The following PELI1 variants were observed in gnomAD, a reference collection of about 807,000 sequenced individuals.
The protein encoded by PELI1 is pellino E3 ubiquitin protein ligase 1, also known as E3 ubiquitin-protein ligase pellino homolog 1.
A neutral mutation model predicts 41.3 loss-of-function variants in PELI1; 15 were observed. The observed-to-expected ratio is 0.36, with a 90% confidence interval of 0.24 to 0.56. PELI1 has a LOEUF of 0.56. Among genes scored for constraint, PELI1 ranks in the 20% least tolerant of loss-of-function variants. The pLI, the probability that PELI1 is intolerant of heterozygous loss-of-function variation, is 0.82. For synonymous variants in PELI1, 178 were observed against 180.1 expected, an observed-to-expected ratio of 0.99 and a Z score of 0.09; for missense variants, 403 against 525.5, an observed-to-expected ratio of 0.77 and a Z score of 2.28.
intron 1 of PELI1, among the ~76,000 whole-genome samples, chr2:64,138,117 T>C (rs1252431354): frequency 1.3e-5 from 2 of 152,126 alleles, no homozygotes; most frequent in Non-Finnish European, 2.9e-5. Context: ...TGTTTTGTTT[T>C]TTTTAGACAG....
intron 3 of PELI1, among the ~76,000 whole-genome samples, chr2:64,103,706 A>C (rs1680523438): frequency 6.6e-6 from 1 of 152,354 alleles, no homozygotes; most frequent in South Asian, 2.1e-4. Flanking sequence ...TGAAAAGCCA[A>C]TTACCTTCAG....
Position 64,096,123 on chromosome 2 carries a change from A to C in PELI1, c.690+2T>G. On this transcript the variant is annotated splice_donor_variant, in intron 6 of 6. Coordinates refer to ENST00000358912, the MANE Select transcript of PELI1 (RefSeq NM_020651.4). LOFTEE classifies it high-confidence loss of function. ...ATTAAGAAAATACCATTCAGTATTT[A>C]CCATTTTTCCTCTCTGCTGAGCCGA... is the stretch of plus-strand genomic sequence containing the variant. 6.2e-7 allele frequency: 1 copy of C among 1,604,290 alleles called. No individual in the cohort carries two copies. The highest frequency in any genetic ancestry group is 8.5e-7 in the Non-Finnish European group (1 of 1,171,888).
chr2:64,130,014 G>A (rs1681505833), intron 1 of PELI1, among the ~76,000 whole-genome samples: 1 of 152,134 alleles, frequency 6.6e-6, no homozygotes, highest in African/African-American at 2.4e-5. Context: ...TGTGGTGGCT[G>A]CAGTAGAAAG....
At chr2:64,122,637 C>G (rs1226603627) in intron 1 of PELI1, among the ~76,000 whole-genome samples, 2 of 152,180 alleles carry the variant, frequency 1.3e-5, no homozygotes, top group Non-Finnish European at 2.9e-5. Context: ...ACTGGTGACT[C>G]TTAGGTCACG....
rs78781740 is a variant in PELI1 at position 64,115,873 on chromosome 2, T to A, written c.-69-7494A>T. On this transcript the variant is annotated intron_variant, in intron 1 of 6. Coordinates refer to ENST00000358912, the MANE Select transcript of PELI1 (RefSeq NM_020651.4). ...TACTTCAGCATAGATTAGTAACAAC[T>A]ATTCAATTATGAGTAGTGCTGAGAT... is the stretch of plus-strand genomic sequence containing the variant. Among the ~76,000 whole-genome samples the A allele has an allele frequency of 1.0e-3, 159 of 152,350 alleles. 1 individual carries two copies. The highest frequency in any genetic ancestry group is 3.7e-3 in the African/African-American group (153 of 41,588).
At chr2:64,119,221 C>T (rs1681122350) in intron 1 of PELI1, among the ~76,000 whole-genome samples, 1 of 152,060 alleles carries the variant, frequency 6.6e-6, no homozygotes. Flanking sequence ...GTAATCCATA[C>T]AACATACTTC....
intron 1 of PELI1, among the ~76,000 whole-genome samples, chr2:64,119,530 G>A (rs10496106): frequency 0.31 from 47,680 of 152,060 alleles, 8,141 homozygotes; most frequent in East Asian, 0.77. Flanking sequence ...TAAGCACCTC[G>A]TAACGTGTGT....
At chr2:64,112,660 T>C (rs1380716632) in intron 1 of PELI1, among the ~76,000 whole-genome samples, 2 of 152,254 alleles carry the variant, frequency 1.3e-5, no homozygotes, top group Non-Finnish European at 2.9e-5. Context: ...CTTCTACTTC[T>C]GTATTTGATA....
chr2:64,121,399 T>C (rs1291427909), intron 1 of PELI1, among the ~76,000 whole-genome samples: 1 of 152,200 alleles, frequency 6.6e-6, no homozygotes, highest in African/African-American at 2.4e-5. Flanking sequence ...TTTGGAAGTA[T>C]ATTTCCTGCT....
intron 1 of PELI1, among the ~76,000 whole-genome samples, chr2:64,122,168 T>C (rs138899412): frequency 6.6e-6 from 1 of 151,798 alleles, no homozygotes; most frequent in East Asian, 1.9e-4. Flanking sequence ...GGAATCAAAG[T>C]TACCAAACTT....
chr2:64,119,789 T>C (rs771603129), intron 1 of PELI1, among the ~76,000 whole-genome samples: 1 of 152,178 alleles, frequency 6.6e-6, no homozygotes, highest in Non-Finnish European at 1.5e-5. Flanking sequence ...TAACTACATA[T>C]TCTATAAATG....
Position 64,094,693 on chromosome 2 carries a change from A to G in PELI1, c.*9T>C. On this transcript the variant is annotated 3_prime_UTR_variant, in exon 7 of 7. Coordinates refer to ENST00000358912, the MANE Select transcript of PELI1 (RefSeq NM_020651.4). ...AATTTATAATGTAGTCCTGCAAGAC[A>G]ATGGTCTGTTAGTCTAGAGGTCCTT... 6.3e-7 allele frequency: 1 copy of G among 1,598,882 alleles called. No homozygotes were observed. Among genetic ancestry groups the G allele is most frequent in the Non-Finnish European group, 8.6e-7 (1 of 1,166,682 alleles).
intron 1 of PELI1, among the ~76,000 whole-genome samples, chr2:64,109,328 T>C (rs778624068): frequency 2.6e-5 from 4 of 152,162 alleles, no homozygotes; most frequent in East Asian, 1.9e-4. Context: ...GAACATAATA[T>C]GAAAATATCT....
At chr2:64,131,454 T>C (rs1234516539) in intron 1 of PELI1, among the ~76,000 whole-genome samples, 2 of 152,124 alleles carry the variant, frequency 1.3e-5, no homozygotes, top group Non-Finnish European at 2.9e-5. Context: ...TATTGTTGTA[T>C]TGTTATTTTT....
chr2:64,143,040 G>A (rs1681964112), intron 1 of PELI1, among the ~76,000 whole-genome samples: 1 of 152,162 alleles, frequency 6.6e-6, no homozygotes, highest in African/African-American at 2.4e-5. Context: ...CTAAACGACA[G>A]GAATATTGTT....
At chr2:64,102,295 T>C (rs1258746408) in intron 3 of PELI1, among the ~76,000 whole-genome samples, 2 of 152,166 alleles carry the variant, frequency 1.3e-5, no homozygotes, top group Admixed American at 6.5e-5. Context: ...TCATATATAC[T>C]ATATAATTGT....
chr2:64,100,039 A>G (rs1305849889), intron 4 of PELI1, among the ~76,000 whole-genome samples: 1 of 152,168 alleles, frequency 6.6e-6, no homozygotes, highest in African/African-American at 2.4e-5. Flanking sequence ...TCTTTTTTGG[A>G]TAATAGCTAC....
chr2:64,122,387 A>G (rs1174020136), intron 1 of PELI1, among the ~76,000 whole-genome samples: 1 of 151,794 alleles, frequency 6.6e-6, no homozygotes, highest in African/African-American at 2.4e-5. Context: ...CGAACAAAAC[A>G]AAGTGTACTT....
intron 1 of PELI1, among the ~76,000 whole-genome samples, chr2:64,139,613 T>C (rs904603981): frequency 7.9e-5 from 12 of 152,182 alleles, no homozygotes; most frequent in Non-Finnish European, 1.6e-4. Context: ...TAAAACGCAA[T>C]GTATTTTATT....
Sources: gnomAD v4.1 joint callset for allele counts (sites outside exome capture counted in the v4.1 genomes callset) on GRCh38, gnomAD v4.1.1 for gene constraint, MANE v1.5 for transcripts, NCBI Gene and HGNC (gene_info 2026-07-23, HGNC 2026-07-21) for gene names.